ESR2: variants seen among roughly 807,000 people sequenced by gnomAD.
ESR2 encodes the protein estrogen receptor 2.
In ESR2, 36 loss-of-function variants were observed where a neutral mutation model predicts 49.6. The observed-to-expected ratio is 0.73, with a 90% CI of 0.56 to 0.96. The LOEUF (loss-of-function observed/expected upper bound fraction) is 0.96. Ranked by LOEUF, ESR2 falls within the 40% of genes least tolerant of loss-of-function variation. The probability of loss-of-function intolerance (pLI) is 0.00; values close to 1 mark genes in which losing one functional copy is unlikely to be tolerated. For missense variants in ESR2, 714 were observed against 693.0 expected (o/e 1.03, Z -0.34); for synonymous variants, 320 against 266.1 (o/e 1.20, Z -1.97).
At chr14:64,285,039 C>A (rs533498590) in intron 1 of ESR2, among the ~76,000 whole-genome samples, 1 of 152,044 alleles carries the variant, frequency 6.6e-6, no homozygotes, top group East Asian at 1.9e-4. Flanking sequence ...TTAGTAGAGA[C>A]GGCGTTTCAC....
At chr14:64,234,674 A>C in intron 8 of ESR2, 1 of 529,340 alleles carries the variant, frequency 1.9e-6, no homozygotes, top group African/African-American at 1.9e-5. Flanking sequence ...AGTTCGTGTT[A>C]GGGGAGGAAC....
In ESR2 at chr14:64,264,813, G is replaced by C. The variant is rs1273695479; in HGVS notation, c.652+3982C>G. On this transcript the variant is annotated intron_variant, in intron 4 of 8. Coordinates refer to ENST00000341099, the MANE Select transcript of ESR2 (RefSeq NM_001437.3). ...AATTGAGCCCGAGGAGGTAAAAGTT[G>C]CAGTAAGCCAAGATTGCACCACTGC... Among the ~76,000 whole-genome samples, 4 of 149,872 alleles carry C rather than the reference G, an allele frequency of 2.7e-5. No individual in the cohort carries two copies. The East Asian group carries it at 7.8e-4, about 29-fold the overall frequency.
intron 7 of ESR2, among the ~76,000 whole-genome samples, chr14:64,235,601 C>T (rs1302205187): frequency 1.3e-5 from 2 of 152,226 alleles, no homozygotes; most frequent in Non-Finnish European, 2.9e-5. Flanking sequence ...TCTGCCACCT[C>T]CTTGTGTGTA....
chr14:64,241,140 C>T (rs1222294199), intron 7 of ESR2, among the ~76,000 whole-genome samples: 2 of 85,134 alleles, frequency 2.3e-5, no homozygotes, highest in Admixed American at 1.3e-4. Context: ...AGCGAGACTC[C>T]GTCTCAAAAA....
At chr14:64,275,685 AGAGT>A (rs1311684449) in intron 3 of ESR2, among the ~76,000 whole-genome samples, 3 of 152,094 alleles carry the variant, frequency 2.0e-5, no homozygotes, top group Non-Finnish European at 4.4e-5. Context: ...CCTGGATGAC[AGAGT>A]GAGACTCTGT....
In ESR2 at chr14:64,230,723, G is replaced by T. The variant is rs758361332; in HGVS notation, c.*2414C>A. Reference sequence around the variant, plus strand: ...GTGCTGTGAGAACAGAGCGAGATTCGGTGAGAATAGCTCAGCTGGAAACTC... The same window carrying T: ...GTGCTGTGAGAACAGAGCGAGATTCTGTGAGAATAGCTCAGCTGGAAACTC... On this transcript the variant is annotated 3_prime_UTR_variant, in exon 9 of 9. Coordinates refer to ENST00000341099, the MANE Select transcript of ESR2 (RefSeq NM_001437.3). Among the ~76,000 whole-genome samples, 8 of 151,646 alleles carry T rather than the reference G, an allele frequency of 5.3e-5. No individual in the cohort carries two copies. Among genetic ancestry groups the T allele is most frequent in the Non-Finnish European group, 1.0e-4 (7 of 67,946 alleles).
chr14:64,227,931 T>C (rs771890859), downstream of ESR2: 3 of 1,597,050 alleles, frequency 1.9e-6, no homozygotes, highest in South Asian at 3.3e-5. Flanking sequence ...TCTCCCCATC[T>C]GTAAAGGATA....
intron 8 of ESR2, 173 bp from the exon 9 acceptor site, chr14:64,233,496 C>T (rs2098729334): frequency 1.6e-6 from 1 of 611,958 alleles, no homozygotes; most frequent in Admixed American, 2.9e-5. Flanking sequence ...AATTTAGGCT[C>T]AAGGGCAAGG....
intron 7 of ESR2, among the ~76,000 whole-genome samples, chr14:64,244,109 T>C (rs2075798994): frequency 6.6e-6 from 1 of 152,196 alleles, no homozygotes; most frequent in African/African-American, 2.4e-5. Flanking sequence ...TTAGAGTCAG[T>C]GGACTAAGGC....
intron 3 of ESR2, among the ~76,000 whole-genome samples, chr14:64,276,717 T>C (rs2140796435): frequency 6.6e-6 from 1 of 152,118 alleles, no homozygotes; most frequent in East Asian, 1.9e-4. Context: ...TAATAAAGAG[T>C]TAAATAAATT....
At chr14:64,280,315 AC>A (rs2076639815) in intron 2 of ESR2, among the ~76,000 whole-genome samples, 162 bp from the exon 3 acceptor site, 1 of 152,230 alleles carries the variant, frequency 6.6e-6, no homozygotes. Context: ...AGCTTTTGAT[AC>A]TGATATCATA....
chr14:64,267,293 T>G (rs1261634753), intron 4 of ESR2, among the ~76,000 whole-genome samples: 1 of 152,180 alleles, frequency 6.6e-6, no homozygotes, highest in Non-Finnish European at 1.5e-5. Context: ...GAAACAGGTT[T>G]GAAAAGAAGC....
chr14:64,321,446 A>T (rs2077323265), intron 1 of ESR2, among the ~76,000 whole-genome samples: 1 of 152,230 alleles, frequency 6.6e-6, no homozygotes, highest in African/African-American at 2.4e-5. Flanking sequence ...TGGCATGTAA[A>T]TATCCCAATA....
chr14:64,280,231 G>A (rs2076637906), intron 2 of ESR2, 78 bp from the exon 3 acceptor site: 20 of 995,908 alleles, frequency 2.0e-5, no homozygotes, highest in Non-Finnish European at 3.0e-5. Context: ...AAAATAGCAT[G>A]AACATTGCCT....
chr14:64,335,738 A>T (rs1464560063), intron 1 of ESR2: 1 of 151,266 alleles, frequency 6.6e-6, no homozygotes, highest in African/African-American at 2.4e-5. Context: ...TAACAACTGC[A>T]TCCATCTTGA....
intron 3 of ESR2, among the ~76,000 whole-genome samples, chr14:64,269,797 A>T (rs991875537): frequency 1.3e-5 from 2 of 152,242 alleles, no homozygotes; most frequent in African/African-American, 4.8e-5. Context: ...GCAATCTCTA[A>T]GACAATGGTA....
intron 7 of ESR2, among the ~76,000 whole-genome samples, chr14:64,245,675 C>A (rs1238059471): frequency 6.6e-6 from 1 of 152,100 alleles, no homozygotes; most frequent in Admixed American, 6.6e-5. Flanking sequence ...AATGCTGTAG[C>A]CTTCATCTTT....
At chr14:64,241,103 G>A (rs1000449828) in intron 7 of ESR2, among the ~76,000 whole-genome samples, 6 of 138,070 alleles carry the variant, frequency 4.3e-5, no homozygotes, top group Non-Finnish European at 3.0e-5. Context: ...CCGAGATTGC[G>A]CCACTGCACT....
At chr14:64,317,792 A>G (rs1238817602) in intron 1 of ESR2, among the ~76,000 whole-genome samples, 1 of 152,224 alleles carries the variant, frequency 6.6e-6, no homozygotes. Context: ...AAAAAGCATG[A>G]CAAAATTCAA....
Sources: allele counts gnomAD v4.1 joint callset (sites outside exome capture counted in the v4.1 genomes callset), GRCh38; gene constraint gnomAD v4.1.1; transcripts MANE v1.5; gene names NCBI Gene and HGNC (gene_info 2026-07-23, HGNC 2026-07-21).